Variants in PGD observed in about 807,000 individuals in gnomAD.
The protein encoded by PGD is phosphogluconate dehydrogenase.
A neutral mutation model predicts 60.4 loss-of-function variants in PGD; 21 were observed. That is an observed-to-expected ratio of 0.35 (90% CI 0.25 to 0.50). PGD has a LOEUF of 0.50. Among genes scored for constraint, PGD ranks in the 20% least tolerant of loss-of-function variants. The pLI is 0.98. For missense variants in PGD, 477 were observed against 613.1 expected (o/e 0.78, Z 2.34); for synonymous variants, 230 against 235.9 (o/e 0.97, Z 0.23).
chr1:10,404,604 A>G (rs1398995707), intron 5 of PGD, among the ~76,000 whole-genome samples: 1 of 151,642 alleles, frequency 6.6e-6, no homozygotes, highest in Admixed American at 6.6e-5. Flanking sequence ...GGCTCAAGCA[A>G]TTCTTGTGCG....
chr1:10,411,516 A>C lies in PGD; in HGVS notation c.618A>C (p.Lys206Asn), dbSNP rs779768886. ...QLICEAYHLM[K>N]DVLGMAQDEM... Reference sequence around the variant, plus strand: ...TCTGTGAGGCATACCACCTGATGAAAGACGTGCTGGGCATGGCGCAGGACG... The same window carrying C: ...TCTGTGAGGCATACCACCTGATGAACGACGTGCTGGGCATGGCGCAGGACG... Residue 206 changes from lysine to asparagine, a missense_variant, in exon 7 of 13, where the codon AAA becomes AAC. Around this residue, in one of 3 missense-constraint regions of PGD, gnomAD observed 431 missense variants for 556.6 expected, o/e 0.77. Transcript: ENST00000270776. 1.9e-6 allele frequency: 3 copies of C among 1,613,744 alleles called. No homozygotes were observed. The highest frequency in any genetic ancestry group is 2.5e-6 in the Non-Finnish European group (3 of 1,179,844).
intron 8 of PGD, 119 bp downstream of exon 8, chr1:10,413,370 CT>C: frequency 1.2e-6 from 1 of 839,694 alleles, no homozygotes; most frequent in Non-Finnish European, 1.8e-6. Flanking sequence ...TTCAGAGTGC[CT>C]TTTGCTCTTT....
intron 10 of PGD, among the ~76,000 whole-genome samples, chr1:10,418,357 C>CT (rs1410527359): frequency 6.6e-6 from 1 of 152,176 alleles, no homozygotes; most frequent in Non-Finnish European, 1.5e-5. Flanking sequence ...TAAATGAGCG[C>CT]TGGCAGCGAG....
At chr1:10,413,360 T>G in intron 8 of PGD, 109 bp downstream of exon 8, 2 of 946,660 alleles carry the variant, frequency 2.1e-6, no homozygotes, top group Non-Finnish European at 3.1e-6. Flanking sequence ...CTCTTTAGCT[T>G]TCAGAGTGCC....
At chr1:10,399,587 G>A in intron 1 of PGD, 42 bp from the exon 2 acceptor site, 1 of 1,570,698 alleles carries the variant, frequency 6.4e-7, no homozygotes, top group South Asian at 1.1e-5. Flanking sequence ...AGCGCGTCGA[G>A]CGGTGCTGAC....
At position 10,420,115 on chromosome 1, in the gene PGD, C is replaced by G. The variant is rs1639668098; in HGVS notation, c.*366C>G. ...ATCATGCGGCTGAATTCCCTTTTTCCTTTACTCAATAAAAGCTACATCAGA... is the reference window on the plus strand; with the variant it reads ...ATCATGCGGCTGAATTCCCTTTTTCGTTTACTCAATAAAAGCTACATCAGA... On this transcript the variant is annotated 3_prime_UTR_variant, in exon 13 of 13. Coordinates refer to ENST00000270776, the MANE Select transcript of PGD (RefSeq NM_002631.4). 5.2e-6 allele frequency: 1 copy of G among 190,824 alleles called. No homozygotes were observed. Among genetic ancestry groups the G allele is most frequent in the East Asian group, 1.4e-4 (1 of 7,010 alleles). The allele number at this position is 190,824 out of a possible 1,614,324, so 11.8% of individuals were successfully genotyped here.
rs150507721 is a variant in PGD, at chr1:10,400,563, C to A, written c.255C>A (p.Ile85=). The A allele has an allele frequency of 1.2e-6, 2 of 1,613,000 alleles. No individual in the cohort carries two copies. The highest frequency in any genetic ancestry group is 1.7e-6 in the Non-Finnish European group (2 of 1,179,552). The change falls in exon 3 of 13, where the codon ATC becomes ATA. Residue 85 remains isoleucine (I), a synonymous_variant. Transcript: ENST00000270776. The part of the protein sequence containing the change: ...VKAGQAVDDF[I]EKLVPLLDTG... ...CTGGGCAAGCTGTGGATGATTTCAT[C>A]GAGAAATTGGTGAGGCCAGCTGTGC...
chr1:10,414,548 T>A (rs1436369412), intron 8 of PGD, among the ~76,000 whole-genome samples: 1 of 151,784 alleles, frequency 6.6e-6, no homozygotes, highest in African/African-American at 2.4e-5. Context: ...CTAATTTTTG[T>A]GTGTTATTAG....
At chr1:10,414,482 C>G (rs1012639665) in intron 8 of PGD, among the ~76,000 whole-genome samples, 8 of 151,978 alleles carry the variant, frequency 5.3e-5, no homozygotes. Context: ...TCAAGTGATT[C>G]TCCTGCCTCA....
intron 8 of PGD, among the ~76,000 whole-genome samples, chr1:10,416,247 C>G (rs980159414): frequency 6.6e-6 from 1 of 152,200 alleles, no homozygotes; most frequent in African/African-American, 2.4e-5. Context: ...GTGTTAGCCA[C>G]CTTGCCCAGC....
In PGD at chr1:10,420,005, C is replaced by CT. The variant is rs746504867; in HGVS notation, c.*258dup. ...GGGAACCATCTCCTTGCGGCAGTGG[C>CT]TTCCGCGTGCCCCGTGTGCTGGTGC... On this transcript the variant is annotated 3_prime_UTR_variant, in exon 13 of 13. Transcript: ENST00000270776. 4.9e-4 allele frequency: 234 copies of CT among 474,070 alleles called. No individual in the cohort carries two copies. Among genetic ancestry groups the CT allele is most frequent in the Non-Finnish European group, 7.2e-4 (187 of 259,562 alleles). The allele number at this position is 474,070 out of a possible 1,614,324, so 29.4% of individuals were successfully genotyped here. A position where few individuals can be genotyped will look rare whatever the true frequency, so the allele number is the denominator to read the frequency against.
At position 10,411,402 on chromosome 1, in the gene PGD, C is replaced by T. The variant is rs943166043; in HGVS notation, c.520-16C>T. 2.5e-6 allele frequency: 4 copies of T among 1,612,414 alleles called. No homozygotes were observed. The highest frequency in any genetic ancestry group is 3.3e-5 in the Admixed American group (2 of 59,976). ...CTGTTTCTCTGAAGGCCTCTTGGTG[C>T]TTGTTGTCCTGACAGGTGGGAGATG... On this transcript the variant is annotated splice_polypyrimidine_tract_variant and intron_variant, in intron 6 of 12. Coordinates refer to ENST00000270776, the MANE Select transcript of PGD (RefSeq NM_002631.4).
In PGD at chr1:10,402,022, T is replaced by A. The variant is rs1190000078; in HGVS notation, c.265-1049T>A. On this transcript the variant is annotated intron_variant, in intron 3 of 12. Coordinates refer to ENST00000270776, the MANE Select transcript of PGD (RefSeq NM_002631.4). ...AGTGCGAGACTCCGTCTCAAATAAA[T>A]AAATAAATTAATTAATTAATTAATA... 7.3e-5 allele frequency among the ~76,000 whole-genome samples: 11 copies of A among 150,744 alleles called. No homozygotes were observed. In the East Asian group the frequency reaches 2.2e-3, roughly 30 times the overall value.
chr1:10,418,811 C>T lies in PGD; in HGVS notation c.1110-15C>T. The T allele has an allele frequency of 6.9e-7, 1 of 1,457,168 alleles. No individual in the cohort carries two copies. Among genetic ancestry groups the T allele is most frequent in the Non-Finnish European group, 9.5e-7 (1 of 1,051,904 alleles). The allele number at this position is 1,457,168 out of a possible 1,614,324, so 90.3% of individuals were successfully genotyped here. On this transcript the variant is annotated splice_polypyrimidine_tract_variant and intron_variant, in intron 10 of 12. Transcript: ENST00000270776. ...AAAAAGACTCATTGCTTTTTTCCCC[C>T]CTTGATTATTTCAGTGTATTCCTAG...
intron 8 of PGD, 126 bp downstream of exon 8, chr1:10,413,377 TCTTTCTTGCGTTGAAGAAA>T: frequency 1.3e-6 from 1 of 776,442 alleles, no homozygotes; most frequent in Non-Finnish European, 2.0e-6. Context: ...TGCCTTTTGC[TCTTTCTTGCGTTGAAGAAA>T]CTGACAGTGT....
rs199971575 is a variant in PGD, at chr1:10,400,510, C to G, written c.202C>G (p.Pro68Ala). 3 of 1,614,018 alleles carry G rather than the reference C, an allele frequency of 1.9e-6. No individual in the cohort carries two copies. Among genetic ancestry groups the G allele is most frequent in the Non-Finnish European group, 8.5e-7 (1 of 1,179,984 alleles). ...LKEMVSKLKK[P>A]RRIILLVKAG... ...AGAGATGGTCTCCAAGCTGAAGAAG[C>G]CCCGGCGGATCATCCTCCTGGTGAA... Residue 68 changes from proline (P) to alanine (A), a missense_variant, in exon 3 of 13, where the codon CCC (proline) becomes GCC (alanine). Pro to Ala is a conservative substitution (Grantham distance 27, BLOSUM62 -1). Transcript: ENST00000270776.
chr1:10,407,069 CAA>C (rs1445800907), intron 5 of PGD, among the ~76,000 whole-genome samples: 2 of 152,144 alleles, frequency 1.3e-5, no homozygotes, highest in East Asian at 1.9e-4. Context: ...TTCAGTGACT[CAA>C]GAGGCTGAGG....
At chr1:10,418,805 T>A in intron 10 of PGD, 21 bp from the exon 11 acceptor site, 1 of 1,416,396 alleles carries the variant, frequency 7.1e-7, no homozygotes, top group Non-Finnish European at 9.8e-7. Context: ...CATTGCTTTT[T>A]TCCCCCCTTG....
chr1:10,414,735 A>T (rs1476009527), intron 8 of PGD, among the ~76,000 whole-genome samples: 5 of 152,016 alleles, frequency 3.3e-5, no homozygotes, highest in South Asian at 2.1e-4. Flanking sequence ...AGGAGAACGA[A>T]GGATGCCTCT....
Sources: gnomAD v4.1 joint callset for allele counts (sites outside exome capture counted in the v4.1 genomes callset) on GRCh38, gnomAD v4.1.1 for gene constraint, gnomAD v4.1.1 regional missense constraint, MANE v1.5 for transcripts, NCBI Gene and HGNC (gene_info 2026-07-23, HGNC 2026-07-21) for gene names.